Variants in SCAF1 observed in about 807,000 individuals in gnomAD.
SCAF1 encodes splicing factor, arginine/serine-rich 19.
A neutral mutation model predicts 91.2 loss-of-function variants in SCAF1; 28 were observed. That is an observed-to-expected ratio of 0.31 (90% CI 0.23 to 0.42). The LOEUF (loss-of-function observed/expected upper bound fraction) is 0.42, where lower values mean the gene tolerates loss of function less well. Among genes scored for constraint, SCAF1 ranks in the 10% least tolerant of loss-of-function variants. The pLI, the probability that SCAF1 is intolerant of heterozygous loss-of-function variation, is 1.00. For synonymous variants in SCAF1, 1,036 were observed against 833.7 expected, an observed-to-expected ratio of 1.24 and a Z score of -4.18; for missense variants, 1,893 against 1,872.1, an observed-to-expected ratio of 1.01 and a Z score of -0.21.
intron 10 of SCAF1, 72 bp from the exon 11 acceptor site, chr19:49,658,136 T>C (rs2081156853): frequency 6.7e-7 from 1 of 1,496,318 alleles, no homozygotes; most frequent in Non-Finnish European, 9.1e-7. Flanking sequence ...AGTTCCAAGC[T>C]GCGCCCAACA....
rs762081478 is a variant in SCAF1, at chr19:49,653,386, C to T, written c.2997C>T (p.Cys999=). Residue 999 remains cysteine (C), a synonymous_variant, in exon 7 of 11, where the codon TGC becomes TGT. Transcript: ENST00000360565. ...ACTCGCAGACCGTGGACAGCAGCTG[C>T]AAGACACCTGAGGTCTCCTTCCTGC... ...TPDSQTVDSS[C]KTPEVSFLPE... The T allele has an allele frequency of 1.3e-6, 2 of 1,531,428 alleles. No individual in the cohort carries two copies. The highest frequency in any genetic ancestry group is 2.0e-5 in the Admixed American group (1 of 50,904). The allele number at this position is 1,531,428 out of a possible 1,614,324, so 94.9% of individuals were successfully genotyped here. A position where few individuals can be genotyped will look rare whatever the true frequency, so the allele number is the denominator to read the frequency against.
Position 49,646,533 on chromosome 19 carries a change from A to G in SCAF1, c.269A>G (p.Asp90Gly), listed in dbSNP as rs1257987906. The change falls in exon 5 of 11, where the codon GAC becomes GGC. Residue 90 changes from aspartate (D) to glycine (G), a missense_variant. By Grantham distance (94) the Asp-to-Gly change is moderately conservative. Coordinates refer to ENST00000360565, the MANE Select transcript of SCAF1 (RefSeq NM_021228.3). This position sits in a 1 kb window ranked among gnomAD's most constrained non-coding sequence, Gnocchi z 5.6. Reference protein sequence around the residue: ...SGGTDTATVLDMATDSFLAGL... With the variant: ...SGGTDTATVLGMATDSFLAGL... ...CTCTCTGGCCTCTTCCAGGTGTTGGACATGGCCACGGACAGCTTCCTCGCA... is the reference window on the plus strand; with the variant it reads ...CTCTCTGGCCTCTTCCAGGTGTTGGGCATGGCCACGGACAGCTTCCTCGCA... 6.2e-7 allele frequency: 1 copy of G among 1,613,868 alleles called. No homozygotes were observed. Among genetic ancestry groups the G allele is most frequent in the Non-Finnish European group, 8.5e-7 (1 of 1,179,874 alleles).
At chr19:49,655,079 CTG>C (rs1472353400) in intron 9 of SCAF1, among the ~76,000 whole-genome samples, 1 of 152,196 alleles carries the variant, frequency 6.6e-6, no homozygotes, top group African/African-American at 2.4e-5. Flanking sequence ...AAAATCGCGT[CTG>C]TGCGTGTGTG....
chr19:49,645,168 G>A lies in SCAF1; in HGVS notation c.108+34G>A. The A allele has an allele frequency of 6.3e-7, 1 of 1,583,390 alleles. No homozygotes were observed. Among genetic ancestry groups the A allele is most frequent in the Non-Finnish European group, 8.7e-7 (1 of 1,152,976 alleles). On this transcript the variant is annotated intron_variant, in intron 2 of 10. Transcript: ENST00000360565. This position sits in a 1 kb window ranked among gnomAD's most constrained non-coding sequence, Gnocchi z 4.6. ...GCTGGGCTCCTGGCACTGAGGGATG[G>A]AGGAGCTGGGCATCCACACTCCAGG...
chr19:49,658,049 C>T (rs539868768), intron 10 of SCAF1, among the ~76,000 whole-genome samples, 159 bp from the exon 11 acceptor site: 5 of 152,182 alleles, frequency 3.3e-5, no homozygotes, highest in Admixed American at 6.5e-5. Context: ...GGGCCTGTTC[C>T]GCTGGCCCTG....
intron 1 of SCAF1, 50 bp from the exon 2 acceptor site, chr19:49,644,971 A>G: frequency 1.5e-6 from 2 of 1,375,194 alleles, no homozygotes; most frequent in Admixed American, 1.8e-5. Flanking sequence ...CTCTACTTCC[A>G]TCCTTTCTCC....
chr19:49,651,791 C>A lies in SCAF1; in HGVS notation c.1402C>A (p.Pro468Thr). 7.8e-7 allele frequency: 1 copy of A among 1,276,998 alleles called. No individual in the cohort carries two copies. Among genetic ancestry groups the A allele is most frequent in the Non-Finnish European group, 9.9e-7 (1 of 1,013,146 alleles). The allele number at this position is 1,276,998 out of a possible 1,614,324, so 79.1% of individuals were successfully genotyped here. Reference protein sequence around the residue: ...ALQVDLGEPAPAPPAADSRWG... With the variant: ...ALQVDLGEPATAPPAADSRWG... ...GCAGGTGGACCTAGGGGAGCCGGCTCCCGCGCCGCCCGCCGCCGACTCGCG... is the reference window on the plus strand; with the variant it reads ...GCAGGTGGACCTAGGGGAGCCGGCTACCGCGCCGCCCGCCGCCGACTCGCG... The change falls in exon 7 of 11, where the codon CCC (proline) becomes ACC (threonine). Residue 468 changes from proline to threonine, a missense_variant. Around this residue, in one of 5 missense-constraint regions of SCAF1, gnomAD observed 1,436 missense variants for 1,306.8 expected, o/e 1.10. Transcript: ENST00000360565.
intron 9 of SCAF1, among the ~76,000 whole-genome samples, chr19:49,657,309 C>G (rs1230447680): frequency 2.0e-5 from 3 of 151,916 alleles, no homozygotes; most frequent in Non-Finnish European, 2.9e-5. Context: ...GCCACCCCCT[C>G]CATCCCCTGG....
At position 49,653,143 on chromosome 19, in the gene SCAF1, C is replaced by G; in HGVS notation, c.2754C>G (p.Thr918=). Residue 918 remains threonine (T), a synonymous_variant, in exon 7 of 11, where the codon ACC becomes ACG. Transcript: ENST00000360565. The part of the protein sequence containing the change: ...AKKTKGTKGK[T]KPSKTRKKVR... ...AAACCAAGGGGACCAAGGGAAAGAC[C>G]AAGCCATCCAAGACCAGGAAAAAGG... 12 of 1,608,264 alleles carry G rather than the reference C, an allele frequency of 7.5e-6. No individual in the cohort carries two copies. The highest frequency in any genetic ancestry group is 9.3e-6 in the Non-Finnish European group (11 of 1,177,454).
At chr19:49,658,093 T>C (rs1285371476) in intron 10 of SCAF1, 115 bp from the exon 11 acceptor site, 24 of 1,286,854 alleles carry the variant, frequency 1.9e-5, no homozygotes, top group Admixed American at 6.9e-5. Flanking sequence ...AGAGGGACTT[T>C]GGCCTGGTTA....
chr19:49,645,490 C>T lies in SCAF1; in HGVS notation c.166+79C>T. ...CCTAATGTCATTCATACAAGCTTTT[C>T]TGAAGCCTCCTGGGTGCCACCCTTG... is the stretch of plus-strand genomic sequence containing the variant. On this transcript the variant is annotated intron_variant, in intron 3 of 10. Transcript: ENST00000360565. This position sits in a 1 kb window ranked among gnomAD's most constrained non-coding sequence, Gnocchi z 4.6. The T allele has an allele frequency of 2.7e-6, 4 of 1,459,120 alleles. No individual in the cohort carries two copies. The highest frequency in any genetic ancestry group is 3.8e-6 in the Non-Finnish European group (4 of 1,062,458). 90.4% of individuals were successfully genotyped at this position (1,459,120 alleles called of 1,614,324 possible). A position where few individuals can be genotyped will look rare whatever the true frequency, so the allele number is the denominator to read the frequency against.
rs764069779 is a variant in SCAF1, at chr19:49,653,618, C to T, written c.3229C>T (p.Arg1077Cys). 48 of 1,586,954 alleles carry T rather than the reference C, an allele frequency of 3.0e-5. No individual in the cohort carries two copies. In the South Asian group the frequency reaches 4.1e-4, roughly 13 times the overall value. ...GGGGGCGGAGGACGGGCCAGCTTCC[C>T]GTGTCTCCCAGCTGCCCACGTTGCC... ...DSGAEDGPASRVSQLPTLPPP... is the reference protein window; with the variant it reads ...DSGAEDGPASCVSQLPTLPPP... Residue 1077 changes from arginine (R) to cysteine (C), a missense_variant, in exon 7 of 11, where the codon CGT becomes TGT. Around this residue, in one of 5 missense-constraint regions of SCAF1, gnomAD observed 1,436 missense variants for 1,306.8 expected, o/e 1.10. Transcript: ENST00000360565.
Position 49,646,499 on chromosome 19 carries a change from G to A in SCAF1, c.262-27G>A. The stretch of plus-strand genomic sequence containing the variant: ...GCCAGTCTTCATGTGACCAGGGACG[G>A]CGTAGAGCCTCTCTGGCCTCTTCCA... On this transcript the variant is annotated intron_variant, in intron 4 of 10. Transcript: ENST00000360565. The surrounding 1 kb of genome is among the most constrained non-coding windows in gnomAD (Gnocchi z 5.6). 6.3e-7 allele frequency: 1 copy of A among 1,595,698 alleles called. No individual in the cohort carries two copies. The highest frequency in any genetic ancestry group is 8.6e-7 in the Non-Finnish European group (1 of 1,163,588).
rs561671993 is a variant in SCAF1, at chr19:49,651,622, C to T, written c.1233C>T (p.Arg411=). ...EEPRLALSLF[R]PGGRAARPTP... is the part of the protein sequence containing the mutation. ...CCAGGCTGGCGCTGTCCCTCTTCCG[C>T]CCCGGCGGCCGGGCCGCCCGGCCTA... The change falls in exon 7 of 11, where the codon CGC becomes CGT. Residue 411 remains arginine (R), a synonymous_variant. Coordinates refer to ENST00000360565, the MANE Select transcript of SCAF1 (RefSeq NM_021228.3). The T allele has an allele frequency of 1.3e-5, 19 of 1,461,928 alleles. No homozygotes were observed. The African/African-American group carries it at 2.2e-4, about 17-fold the overall frequency. 90.6% of individuals were successfully genotyped at this position (1,461,928 alleles called of 1,614,324 possible).
rs1485074287 is a variant in SCAF1, at chr19:49,646,536, T to C, written c.272T>C (p.Met91Thr). 6 of 1,613,942 alleles carry C rather than the reference T, an allele frequency of 3.7e-6. No individual in the cohort carries two copies. Among genetic ancestry groups the C allele is most frequent in the Non-Finnish European group, 5.1e-6 (6 of 1,179,912 alleles). The change falls in exon 5 of 11, where the codon ATG becomes ACG. Residue 91 changes from methionine (M) to threonine (T), a missense_variant. By Grantham distance (81) the Met-to-Thr change is moderately conservative. Coordinates refer to ENST00000360565, the MANE Select transcript of SCAF1 (RefSeq NM_021228.3). The surrounding 1 kb of genome is among the most constrained non-coding windows in gnomAD (Gnocchi z 5.6). ...TCTGGCCTCTTCCAGGTGTTGGACA[T>C]GGCCACGGACAGCTTCCTCGCAGGG... ...GGTDTATVLD[M>T]ATDSFLAGLV...
intron 7 of SCAF1, 33 bp from the exon 8 acceptor site, chr19:49,654,316 A>T: frequency 6.3e-7 from 1 of 1,594,906 alleles, no homozygotes; most frequent in Non-Finnish European, 8.6e-7. Context: ...CACCTCTCCC[A>T]TCTTCATGTT....
chr19:49,656,986 C>G (rs961610459), intron 9 of SCAF1, among the ~76,000 whole-genome samples: 19 of 152,226 alleles, frequency 1.2e-4, no homozygotes, highest in Admixed American at 1.1e-3. Context: ...GAGACCTAGT[C>G]GCCACAAAAA....
chr19:49,644,217 C>T (rs772040894), intron 1 of SCAF1, among the ~76,000 whole-genome samples: 3 of 152,168 alleles, frequency 2.0e-5, no homozygotes, highest in Non-Finnish European at 4.4e-5. Context: ...CATGGGGAAG[C>T]TTACAGCTGA....
At chr19:49,649,360 G>A (rs1054874850) in intron 6 of SCAF1, among the ~76,000 whole-genome samples, 1 of 152,206 alleles carries the variant, frequency 6.6e-6, no homozygotes, top group Non-Finnish European at 1.5e-5. Context: ...CCAGCAGCAG[G>A]TGCAGCCTGG....
Sources: allele counts gnomAD v4.1 joint callset (sites outside exome capture counted in the v4.1 genomes callset), GRCh38; gene constraint gnomAD v4.1.1; regional missense constraint gnomAD v4.1.1; non-coding constraint Gnocchi (gnomAD v3.1); transcripts MANE v1.5; gene names NCBI Gene and HGNC (gene_info 2026-07-23, HGNC 2026-07-21).